The following PATL2 variants were observed in gnomAD, a reference collection of about 807,000 sequenced individuals.
PATL2 encodes protein PAT1 homolog 2.
A neutral mutation model predicts 77.0 loss-of-function variants in PATL2; 73 were observed. The observed-to-expected ratio is 0.95, with a 90% CI of 0.78 to 1.15. PATL2 has a LOEUF of 1.15. Among genes scored for constraint, PATL2 ranks in the 50% most tolerant of loss-of-function variants. The probability of loss-of-function intolerance (pLI) is 0.00; values close to 1 mark genes in which losing one functional copy is unlikely to be tolerated. For synonymous variants in PATL2, 265 were observed against 257.1 expected, an observed-to-expected ratio of 1.03 and a Z score of -0.29; for missense variants, 618 against 655.4, an observed-to-expected ratio of 0.94 and a Z score of 0.62.
intron 3 of PATL2, among the ~76,000 whole-genome samples, chr15:44,682,021 T>G (rs978308211): frequency 2.0e-5 from 3 of 152,242 alleles, no homozygotes; most frequent in African/African-American, 7.2e-5. Context: ...TGGAGACCTC[T>G]CGCCCTTGGT....
Position 44,674,238 on chromosome 15 carries a change from A to AG in PATL2, c.223-9dup. On this transcript the variant is annotated splice_polypyrimidine_tract_variant and intron_variant, in intron 5 of 17. Coordinates refer to ENST00000682850, the MANE Select transcript of PATL2 (RefSeq NM_001387263.1). ...GGAGCTAAGCAGAGCTCTCTGGAAC[A>AG]GGAGGGAGGAAAAACCAGGCTCAAA... The AG allele has an allele frequency of 3.3e-6, 5 of 1,535,486 alleles. No homozygotes were observed. The highest frequency in any genetic ancestry group is 4.4e-6 in the Non-Finnish European group (5 of 1,134,400).
At chr15:44,707,748 G>A (rs2086770338) in intron 3 of PATL2, among the ~76,000 whole-genome samples, 1 of 152,226 alleles carries the variant, frequency 6.6e-6, no homozygotes, top group South Asian at 2.1e-4. Context: ...TGTCTCACTA[G>A]GTTGTGTGCC....
intron 3 of PATL2, among the ~76,000 whole-genome samples, chr15:44,697,705 A>T (rs1849521900): frequency 6.6e-6 from 1 of 152,058 alleles, no homozygotes; most frequent in Admixed American, 6.6e-5. Flanking sequence ...CCCTTCTCGG[A>T]AAGTGCCAAG....
chr15:44,673,161 A>G (rs980869689), intron 7 of PATL2, 74 bp downstream of exon 7: 6 of 1,487,816 alleles, frequency 4.0e-6, no homozygotes, highest in Non-Finnish European at 5.4e-6. Flanking sequence ...CCCTGTGGCA[A>G]CTGGTAGGCA....
intron 3 of PATL2, among the ~76,000 whole-genome samples, chr15:44,690,643 T>C (rs759745507): frequency 3.3e-5 from 5 of 152,138 alleles, no homozygotes. Flanking sequence ...TTTATTTTTA[T>C]CTGGTAATCT....
intron 3 of PATL2, among the ~76,000 whole-genome samples, chr15:44,709,082 A>T (rs973997433): frequency 4.6e-5 from 7 of 152,084 alleles, no homozygotes; most frequent in African/African-American, 1.7e-4. Flanking sequence ...TATTTTTAGT[A>T]GAGACAGGGT....
intron 3 of PATL2, among the ~76,000 whole-genome samples, chr15:44,689,679 G>A (rs2086342880): frequency 6.6e-6 from 1 of 152,106 alleles, no homozygotes; most frequent in Non-Finnish European, 1.5e-5. Context: ...CATGGACACA[G>A]GGAGGGGAAC....
Position 44,665,837 on chromosome 15 carries a change from A to C in PATL2, c.*116T>G. The C allele has an allele frequency of 6.5e-7, 1 of 1,539,030 alleles. No individual in the cohort carries two copies. Among genetic ancestry groups the C allele is most frequent in the Non-Finnish European group, 8.7e-7 (1 of 1,143,040 alleles). On this transcript the variant is annotated 3_prime_UTR_variant, in exon 18 of 18. Transcript: ENST00000682850. ...ATATGAAAATGGGGAAGGGTTCTCCAATATATAAAGGCATAAGAAATGTCT... is the reference window on the plus strand; with the variant it reads ...ATATGAAAATGGGGAAGGGTTCTCCCATATATAAAGGCATAAGAAATGTCT...
At chr15:44,683,590 T>A (rs2086185067) in intron 3 of PATL2, among the ~76,000 whole-genome samples, 1 of 152,212 alleles carries the variant, frequency 6.6e-6, no homozygotes, top group Admixed American at 6.5e-5. Flanking sequence ...GTAGCCCCAG[T>A]CAGGGGCTTA....
At chr15:44,672,790 C>A (rs1454362662) in intron 7 of PATL2, among the ~76,000 whole-genome samples, 1 of 152,176 alleles carries the variant, frequency 6.6e-6, no homozygotes, top group African/African-American at 2.4e-5. Flanking sequence ...GAGACAGTCT[C>A]CCTCTGTCAT....
chr15:44,666,708 G>A, intron 16 of PATL2, 167 bp from the exon 17 acceptor site: 2 of 641,482 alleles, frequency 3.1e-6, no homozygotes, highest in African/African-American at 1.8e-5. Context: ...AATGCTTAGT[G>A]CTTTACACAT....
chr15:44,707,231 A>G (rs570535708), intron 3 of PATL2, among the ~76,000 whole-genome samples: 7 of 152,140 alleles, frequency 4.6e-5, no homozygotes, highest in Non-Finnish European at 1.0e-4. Context: ...TTAAGAGGCC[A>G]CTTGGTATTC....
chr15:44,666,634 C>T, intron 16 of PATL2, 93 bp from the exon 17 acceptor site: 1 of 1,293,594 alleles, frequency 7.7e-7, no homozygotes, highest in Admixed American at 3.0e-5. Flanking sequence ...TTACTACTAC[C>T]ATTGTCCCCC....
At chr15:44,666,266 G>C in intron 17 of PATL2, 126 bp downstream of exon 17, 1 of 1,302,658 alleles carries the variant, frequency 7.7e-7, no homozygotes, top group East Asian at 2.5e-5. Flanking sequence ...TCAGTGTGTA[G>C]AACCACTTCT....
chr15:44,709,930 A>T (rs1469800114), intron 3 of PATL2, among the ~76,000 whole-genome samples, 166 bp downstream of exon 3: 1 of 152,238 alleles, frequency 6.6e-6, no homozygotes, highest in African/African-American at 2.4e-5. Context: ...TTAGTGCCTT[A>T]TATGAGTTTT....
intron 3 of PATL2, among the ~76,000 whole-genome samples, chr15:44,687,451 T>C (rs990037073): frequency 1.4e-4 from 21 of 152,204 alleles, no homozygotes; most frequent in African/African-American, 4.8e-4. Flanking sequence ...GCCAATATCA[T>C]ACTGAATGGG....
At chr15:44,708,664 C>T (rs1161025185) in intron 3 of PATL2, among the ~76,000 whole-genome samples, 1 of 152,146 alleles carries the variant, frequency 6.6e-6, no homozygotes, top group African/African-American at 2.4e-5. Context: ...GATAGTATTT[C>T]ATTGTATGGA....
intron 3 of PATL2, among the ~76,000 whole-genome samples, chr15:44,703,774 G>T (rs1156642587): frequency 2.1e-5 from 2 of 97,180 alleles, no homozygotes; most frequent in African/African-American, 4.1e-5. Flanking sequence ...GCCACTCTAT[G>T]TCTTTTGAAT....
intron 5 of PATL2, 78 bp from the exon 6 acceptor site, chr15:44,674,308 G>T (rs965559926): frequency 1.7e-6 from 2 of 1,149,462 alleles, no homozygotes; most frequent in Non-Finnish European, 1.2e-6. Flanking sequence ...TTTTTGAGGT[G>T]GTGGGAGGAA....
Sources: gnomAD v4.1 joint callset for allele counts (sites outside exome capture counted in the v4.1 genomes callset) on GRCh38, gnomAD v4.1.1 for gene constraint, MANE v1.5 for transcripts, NCBI Gene and HGNC (gene_info 2026-07-23, HGNC 2026-07-21) for gene names.